MTMR8: variants seen among roughly 807,000 people sequenced by gnomAD.
MTMR8 encodes myotubularin related protein 8.
Under a neutral mutation model 39.3 loss-of-function variants are expected in MTMR8, and 65 were observed. The ratio of observed to expected loss-of-function variants is 1.65; its 90% confidence interval spans 1.35 to 2.03. MTMR8 has a LOEUF of 2.03. Among genes scored for constraint, MTMR8 ranks in the 30% most tolerant of loss-of-function variants. The pLI, the probability that MTMR8 is intolerant of heterozygous loss-of-function variation, is 0.00. For missense variants in MTMR8, 777 were observed against 538.9 expected, an observed-to-expected ratio of 1.44 and a Z score of -4.37; for synonymous variants, 245 against 185.2, an observed-to-expected ratio of 1.32 and a Z score of -2.62.
At chrX:64,311,643 C>G (rs915392123) in intron 12 of MTMR8, among the ~76,000 whole-genome samples, 1 of 111,198 alleles carries the variant, frequency 9.0e-6, no homozygotes, top group Non-Finnish European at 1.9e-5. Flanking sequence ...ACATTTAAGT[C>G]TTTAATCCAT....
chrX:64,379,770 A>C (rs989543293), intron 1 of MTMR8, among the ~76,000 whole-genome samples: 4 of 111,991 alleles, frequency 3.6e-5, no homozygotes, highest in African/African-American at 1.3e-4. Flanking sequence ...TTTGGGGGAC[A>C]CAATTCATAC....
At chrX:64,276,284 G>A (rs904378179) in intron 12 of MTMR8, among the ~76,000 whole-genome samples, 3 of 110,505 alleles carry the variant, frequency 2.7e-5, no homozygotes, top group East Asian at 5.7e-4. Flanking sequence ...TCTAGTTCCA[G>A]ATCTAGATTC....
intron 8 of MTMR8, among the ~76,000 whole-genome samples, chrX:64,340,589 C>T (rs928063574): frequency 5.4e-5 from 6 of 111,305 alleles, no homozygotes; most frequent in Non-Finnish European, 9.4e-5. Flanking sequence ...AAGAAAAAAT[C>T]GTATTCCTAG....
At chrX:64,295,829 G>A (rs1449669886) in intron 12 of MTMR8, among the ~76,000 whole-genome samples, 2 of 112,052 alleles carry the variant, frequency 1.8e-5, no homozygotes, top group Admixed American at 9.5e-5. Context: ...TGAGGATACA[G>A]AAAAAATAGA....
At chrX:64,303,852 C>A (rs1921987167) in intron 12 of MTMR8, among the ~76,000 whole-genome samples, 2 of 112,079 alleles carry the variant, frequency 1.8e-5, no homozygotes, top group Admixed American at 9.5e-5. Context: ...CAGGACCCAA[C>A]AAAATCTGAA....
intron 12 of MTMR8, among the ~76,000 whole-genome samples, chrX:64,286,107 G>A (rs1362917870): frequency 1.8e-5 from 2 of 111,069 alleles, no homozygotes; most frequent in Non-Finnish European, 3.8e-5. Flanking sequence ...AAAGAGAGAA[G>A]AATCAAATAG....
chrX:64,386,632 C>A (rs1301937642), intron 1 of MTMR8, among the ~76,000 whole-genome samples: 1 of 112,041 alleles, frequency 8.9e-6, no homozygotes, highest in African/African-American at 3.2e-5. Context: ...TGGGTATAAA[C>A]CATTTCCTTA....
At chrX:64,372,240 C>A (rs1323668492) in intron 1 of MTMR8, among the ~76,000 whole-genome samples, 1 of 108,808 alleles carries the variant, frequency 9.2e-6, no homozygotes, top group Non-Finnish European at 1.9e-5. Context: ...TAACATCTTA[C>A]AATAACTATA....
chrX:64,374,230 G>T (rs1458266119), intron 1 of MTMR8, among the ~76,000 whole-genome samples: 1 of 111,777 alleles, frequency 8.9e-6, no homozygotes, highest in African/African-American at 3.3e-5. Flanking sequence ...CATGAGCAGA[G>T]CACTAGGGCA....
At chrX:64,313,156 G>A (rs1415117325) in intron 12 of MTMR8, among the ~76,000 whole-genome samples, 1 of 112,328 alleles carries the variant, frequency 8.9e-6, no homozygotes, top group African/African-American at 3.2e-5. Flanking sequence ...AATTATGAAA[G>A]TACTAGGTAG....
At chrX:64,315,405 C>T (rs1922438410) in intron 12 of MTMR8, among the ~76,000 whole-genome samples, 1 of 111,881 alleles carries the variant, frequency 8.9e-6, no homozygotes. Flanking sequence ...CCTCTGCCCA[C>T]TCTCAGTGCC....
chrX:64,336,521 G>T (rs1028111464), intron 9 of MTMR8, among the ~76,000 whole-genome samples: 1 of 110,199 alleles, frequency 9.1e-6, no homozygotes, highest in Non-Finnish European at 1.9e-5. Flanking sequence ...ATTCTAGCCA[G>T]GCATGGTGGC....
At chrX:64,362,151 T>C (rs907661067) in intron 1 of MTMR8, among the ~76,000 whole-genome samples, 3 of 109,233 alleles carry the variant, frequency 2.7e-5, no homozygotes, top group Non-Finnish European at 5.7e-5. Flanking sequence ...AGAGAAAACT[T>C]TAAAAGTCTA....
intron 1 of MTMR8, among the ~76,000 whole-genome samples, chrX:64,375,080 C>G (rs1431154872): frequency 9.4e-6 from 1 of 106,584 alleles, no homozygotes; most frequent in African/African-American, 3.4e-5. Flanking sequence ...GAAGGAAGGG[C>G]CAGCTGTGGT....
chrX:64,337,645 G>A (rs1923113753), intron 8 of MTMR8, among the ~76,000 whole-genome samples: 1 of 111,397 alleles, frequency 9.0e-6, no homozygotes, highest in Non-Finnish European at 1.9e-5. Flanking sequence ...GAAAGATGAG[G>A]GGAGTTCTAA....
At chrX:64,297,004 A>C (rs1488443775) in intron 12 of MTMR8, among the ~76,000 whole-genome samples, 2 of 101,458 alleles carry the variant, frequency 2.0e-5, no homozygotes, top group Non-Finnish European at 4.0e-5. Context: ...GCTTGGTTCC[A>C]AGTCTTTGCT....
At chrX:64,271,142 C>G (rs922182171) in intron 12 of MTMR8, 69 bp from the exon 13 acceptor site, 1 of 1,047,576 alleles carries the variant, frequency 9.5e-7, no homozygotes, top group Non-Finnish European at 1.3e-6. Flanking sequence ...CAATGTTTTC[C>G]TTGTGCCAAG....
chrX:64,319,971 T>C (rs1401958950), intron 12 of MTMR8, among the ~76,000 whole-genome samples: 1 of 111,554 alleles, frequency 9.0e-6, no homozygotes, highest in African/African-American at 3.3e-5. Context: ...GGGGATGGCA[T>C]TGAATCTATA....
chrX:64,366,465 C>A (rs1307884079), intron 1 of MTMR8, among the ~76,000 whole-genome samples: 1 of 112,174 alleles, frequency 8.9e-6, no homozygotes, highest in Non-Finnish European at 1.9e-5. Flanking sequence ...CTCAAAACCA[C>A]TCAACTACAT....
Sources: allele counts gnomAD v4.1 joint callset (sites outside exome capture counted in the v4.1 genomes callset), GRCh38; gene constraint gnomAD v4.1.1; transcripts MANE v1.5; gene names NCBI Gene and HGNC (gene_info 2026-07-23, HGNC 2026-07-21).